Variants in MYT1L observed in about 807,000 individuals in gnomAD.
MYT1L encodes myelin transcription factor 1-like protein.
In MYT1L, 12 loss-of-function variants were observed where a neutral mutation model predicts 126.7. The observed-to-expected ratio is 0.09, with a 90% CI of 0.06 to 0.15. The LOEUF is 0.15. Among genes scored for constraint, MYT1L ranks in the 10% least tolerant of loss-of-function variants. The pLI, the probability that MYT1L is intolerant of heterozygous loss-of-function variation, is 1.00. For missense variants in MYT1L, 979 were observed against 1,585.2 expected (o/e 0.62, Z 6.49); for synonymous variants, 541 against 604.2 (o/e 0.90, Z 1.53).
chr2:2,128,520 C>G (rs2147988217), intron 3 of MYT1L, among the ~76,000 whole-genome samples: 1 of 152,220 alleles, frequency 6.6e-6, no homozygotes, highest in African/African-American at 2.4e-5. Context: ...GCACAAGAAT[C>G]AAGAGAGGCA....
intron 3 of MYT1L, among the ~76,000 whole-genome samples, chr2:2,159,447 C>T (rs1407175259): frequency 2.0e-5 from 3 of 152,130 alleles, no homozygotes; most frequent in South Asian, 2.1e-4. Context: ...CCGGAAACTC[C>T]CTTAATTAAC....
chr2:1,795,812 C>T (rs1368695813), intron 23 of MYT1L: 1 of 152,228 alleles, frequency 6.6e-6, no homozygotes, highest in African/African-American at 2.4e-5. Flanking sequence ...CCCGGATCTT[C>T]CCAAGAAAGT....
At chr2:1,960,724 T>G (rs1201796290) in intron 8 of MYT1L, among the ~76,000 whole-genome samples, 1 of 151,984 alleles carries the variant, frequency 6.6e-6, no homozygotes, top group Admixed American at 6.6e-5. Context: ...CTTCCTTGCA[T>G]GTCACCTGCA....
At chr2:1,875,372 G>A (rs2148742216) in intron 18 of MYT1L, among the ~76,000 whole-genome samples, 2 of 152,290 alleles carry the variant, frequency 1.3e-5, no homozygotes, top group Middle Eastern at 6.8e-3. Flanking sequence ...CCTTGCCAAG[G>A]GCCAAGAGGG....
chr2:2,136,743 G>A (rs981549720), intron 3 of MYT1L, among the ~76,000 whole-genome samples: 1 of 152,038 alleles, frequency 6.6e-6, no homozygotes, highest in East Asian at 1.9e-4. Flanking sequence ...TACTGAATTG[G>A]CATAAACTGG....
chr2:2,159,327 C>T (rs1047758711), intron 3 of MYT1L, among the ~76,000 whole-genome samples: 1 of 152,160 alleles, frequency 6.6e-6, no homozygotes, highest in Non-Finnish European at 1.5e-5. Context: ...GTCCTCAAAA[C>T]TCTTAGGTGT....
chr2:1,822,220 C>T (rs1464095071), intron 21 of MYT1L, among the ~76,000 whole-genome samples: 1 of 152,164 alleles, frequency 6.6e-6, no homozygotes, highest in Non-Finnish European at 1.5e-5. Flanking sequence ...ATGGTCTGCA[C>T]TTCCCTTCCT....
chr2:2,032,035 C>T (rs954482672), intron 4 of MYT1L, among the ~76,000 whole-genome samples: 1 of 142,162 alleles, frequency 7.0e-6, no homozygotes, highest in Non-Finnish European at 1.5e-5. Flanking sequence ...ATACACACCC[C>T]TCGCCAGTAC....
At chr2:2,069,901 C>T (rs1404520759) in intron 3 of MYT1L, among the ~76,000 whole-genome samples, 1 of 150,290 alleles carries the variant, frequency 6.7e-6, no homozygotes, top group Non-Finnish European at 1.5e-5. Flanking sequence ...TATCCTTCGC[C>T]CACTTTTTGA....
At chr2:1,956,058 T>G (rs2058316297) in intron 8 of MYT1L, among the ~76,000 whole-genome samples, 2 of 152,200 alleles carry the variant, frequency 1.3e-5, no homozygotes, top group African/African-American at 4.8e-5. Flanking sequence ...TGTATCTATC[T>G]ATCTATCTAC....
chr2:2,036,522 T>G (rs910115822), intron 4 of MYT1L, among the ~76,000 whole-genome samples: 6 of 152,182 alleles, frequency 3.9e-5, no homozygotes, highest in Non-Finnish European at 7.3e-5. Flanking sequence ...CTCTCTGATG[T>G]CTTCTTTTCC....
intron 9 of MYT1L, 80 bp from the exon 10 acceptor site, chr2:1,923,343 G>T: frequency 8.5e-7 from 1 of 1,180,154 alleles, no homozygotes; most frequent in Non-Finnish European, 1.2e-6. Context: ...GCAACAGCAT[G>T]GATAGCACGT....
chr2:2,132,593 G>T (rs558150401), intron 3 of MYT1L, among the ~76,000 whole-genome samples: 1 of 152,002 alleles, frequency 6.6e-6, no homozygotes, highest in Non-Finnish European at 1.5e-5. Context: ...GGCAAGGGGA[G>T]GGAGAGCGTT....
intron 18 of MYT1L, among the ~76,000 whole-genome samples, chr2:1,861,448 C>A (rs11683041): frequency 6.6e-6 from 1 of 151,826 alleles, no homozygotes; most frequent in Non-Finnish European, 1.5e-5. Context: ...GATCCTCATC[C>A]TTTACATTCG....
intron 14 of MYT1L, among the ~76,000 whole-genome samples, chr2:1,901,447 C>T (rs2050328604): frequency 6.6e-6 from 1 of 152,150 alleles, no homozygotes; most frequent in Non-Finnish European, 1.5e-5. Context: ...TATTACAAAA[C>T]AAACAACAAA....
At chr2:1,868,245 G>A (rs1372713117) in intron 18 of MYT1L, among the ~76,000 whole-genome samples, 1 of 152,204 alleles carries the variant, frequency 6.6e-6, no homozygotes, top group Non-Finnish European at 1.5e-5. Context: ...TTACAGGTGT[G>A]AGCCACCGCG....
chr2:1,888,652 C>T (rs2048446390), intron 16 of MYT1L, among the ~76,000 whole-genome samples: 1 of 152,176 alleles, frequency 6.6e-6, no homozygotes, highest in Non-Finnish European at 1.5e-5. Flanking sequence ...GGCATTATAT[C>T]TATTTTAATA....
chr2:1,913,143 A>G (rs2052305228), intron 11 of MYT1L, among the ~76,000 whole-genome samples: 1 of 152,290 alleles, frequency 6.6e-6, no homozygotes, highest in South Asian at 2.1e-4. Context: ...TCTCTAGAAC[A>G]ACCTCTCTCT....
At chr2:1,965,580 G>A (rs2149408879) in intron 8 of MYT1L, among the ~76,000 whole-genome samples, 1 of 152,382 alleles carries the variant, frequency 6.6e-6, no homozygotes, top group African/African-American at 2.4e-5. Context: ...TGGAGACAGA[G>A]GGGTCCCATC....
Sources: allele counts gnomAD v4.1 joint callset (sites outside exome capture counted in the v4.1 genomes callset), GRCh38; gene constraint gnomAD v4.1.1; transcripts MANE v1.5; gene names NCBI Gene and HGNC (gene_info 2026-07-23, HGNC 2026-07-21).